MTHFD1L: variants seen among roughly 807,000 people sequenced by gnomAD.
MTHFD1L encodes monofunctional C1-tetrahydrofolate synthase, mitochondrial.
In MTHFD1L, 81 loss-of-function variants were observed where a neutral mutation model predicts 119.5. The observed-to-expected ratio is 0.68, with a 90% CI of 0.57 to 0.82. The LOEUF (loss-of-function observed/expected upper bound fraction) is 0.82, where lower values mean the gene tolerates loss of function less well. Among genes scored for constraint, MTHFD1L ranks in the 40% least tolerant of loss-of-function variants. MTHFD1L has a pLI of 0.00. For missense variants in MTHFD1L, 1,125 were observed against 1,253.4 expected, an observed-to-expected ratio of 0.90 and a Z score of 1.55; for synonymous variants, 430 against 475.2, an observed-to-expected ratio of 0.90 and a Z score of 1.24.
At chr6:150,972,305 A>G (rs989387615) in intron 20 of MTHFD1L, among the ~76,000 whole-genome samples, 1 of 152,172 alleles carries the variant, frequency 6.6e-6, no homozygotes, top group Non-Finnish European at 1.5e-5. Flanking sequence ...ACTCTTGCAA[A>G]CTGAGTGACA....
At chr6:150,998,751 C>T (rs1393210120) in intron 20 of MTHFD1L, among the ~76,000 whole-genome samples, 2 of 145,180 alleles carry the variant, frequency 1.4e-5, no homozygotes, top group African/African-American at 5.2e-5. Context: ...CCAGGGCAGG[C>T]AGATCACTTG....
At chr6:151,059,778 G>A (rs1190059428) in intron 26 of MTHFD1L, among the ~76,000 whole-genome samples, 2 of 152,200 alleles carry the variant, frequency 1.3e-5, no homozygotes, top group Non-Finnish European at 2.9e-5. Context: ...TGCACGGTGG[G>A]TCTGTGCTGC....
chr6:150,873,604 G>A (rs754296120), intron 1 of MTHFD1L, among the ~76,000 whole-genome samples: 1 of 152,082 alleles, frequency 6.6e-6, no homozygotes, highest in East Asian at 1.9e-4. Context: ...GAATTACCTG[G>A]ACTCTGTTAA....
chr6:151,096,435 C>T (rs3843914), intron 27 of MTHFD1L, among the ~76,000 whole-genome samples: 1 of 151,950 alleles, frequency 6.6e-6, no homozygotes, highest in African/African-American at 2.4e-5. Flanking sequence ...TAAGATAAAA[C>T]CACTATACAA....
chr6:151,034,517 A>G lies in MTHFD1L; in HGVS notation c.2611A>G (p.Thr871Ala). 1 of 1,611,456 alleles carries G rather than the reference A, an allele frequency of 6.2e-7. No individual in the cohort carries two copies. Among genetic ancestry groups the G allele is most frequent in the Non-Finnish European group, 8.5e-7 (1 of 1,179,396 alleles). The stretch of plus-strand genomic sequence containing the variant: ...GGTTCCAATTGTGGACAAGATAAGG[A>G]CCATTGCTCAGGCTGTCTATGGAGC... Reference protein sequence around the residue: ...VQVPIVDKIRTIAQAVYGAKD... With the variant: ...VQVPIVDKIRAIAQAVYGAKD... The change falls in exon 25 of 28, where the codon ACC becomes GCC. Residue 871 changes from threonine (T) to alanine (A), a missense_variant. By Grantham distance (58) the Thr-to-Ala change is moderately conservative. Transcript: ENST00000367321.
chr6:150,971,840 A>G lies in MTHFD1L; in HGVS notation c.2014-107A>G, dbSNP rs1299797537. ...CTTTGAAATATTTTATGCATTAAAT[A>G]TGCAGTATTCATAAAAGCTTTCCTA... is the stretch of plus-strand genomic sequence containing the variant. On this transcript the variant is annotated intron_variant, in intron 19 of 27. Transcript: ENST00000367321. 4.8e-6 allele frequency: 4 copies of G among 840,056 alleles called. No individual in the cohort carries two copies. In the African/African-American group the frequency reaches 6.8e-5, roughly 14 times the overall value. 52.0% of individuals were successfully genotyped at this position (840,056 alleles called of 1,614,324 possible). A position where few individuals can be genotyped will look rare whatever the true frequency, so the allele number is the denominator to read the frequency against.
chr6:150,882,345 T>C (rs1452461358), intron 4 of MTHFD1L, among the ~76,000 whole-genome samples: 2 of 152,242 alleles, frequency 1.3e-5, no homozygotes, highest in African/African-American at 4.8e-5. Context: ...CTGGGCCAGA[T>C]TGGAATGCTT....
chr6:151,089,761 C>A (rs1794209275), intron 26 of MTHFD1L, among the ~76,000 whole-genome samples: 2 of 152,216 alleles, frequency 1.3e-5, no homozygotes, highest in Admixed American at 1.3e-4. Flanking sequence ...AGTAGTAGAA[C>A]AGTATAAGTG....
intron 24 of MTHFD1L, among the ~76,000 whole-genome samples, chr6:151,033,543 C>T (rs1785659792): frequency 6.6e-6 from 1 of 152,058 alleles, no homozygotes. Flanking sequence ...TCTGAAGATC[C>T]CTTGCCGTAT....
chr6:150,928,905 G>T (rs1790523209), intron 11 of MTHFD1L, among the ~76,000 whole-genome samples: 1 of 152,152 alleles, frequency 6.6e-6, no homozygotes, highest in African/African-American at 2.4e-5. Flanking sequence ...TCAGCAGTTG[G>T]CATTGTAAGG....
At chr6:150,876,060 A>G (rs267600857) in intron 1 of MTHFD1L, 30 bp from the exon 2 acceptor site, 3 of 1,526,116 alleles carry the variant, frequency 2.0e-6, no homozygotes, top group Non-Finnish European at 2.7e-6. Flanking sequence ...TAACCAAGAA[A>G]TCACAATGTT....
At chr6:150,962,914 C>CTTTTTTTTTTTTTTTT (rs4035893) in intron 18 of MTHFD1L, among the ~76,000 whole-genome samples, 2 of 114,148 alleles carry the variant, frequency 1.8e-5, no homozygotes, top group African/African-American at 3.3e-5. Context: ...CTTTTCTTTT[C>CTTTTTTTTTTTTTTTT]TTTTTTTTTT....
At chr6:151,005,879 C>T (rs1781315186) in intron 20 of MTHFD1L, among the ~76,000 whole-genome samples, 1 of 152,102 alleles carries the variant, frequency 6.6e-6, no homozygotes, top group African/African-American at 2.4e-5. Flanking sequence ...TTATGCCTTT[C>T]AGTAAAACCA....
intron 26 of MTHFD1L, among the ~76,000 whole-genome samples, chr6:151,067,663 G>C (rs1171246675): frequency 6.6e-6 from 1 of 152,236 alleles, no homozygotes; most frequent in Admixed American, 6.5e-5. Flanking sequence ...ACGTTCATGA[G>C]TAATGGGTGC....
At chr6:151,009,318 A>AG (rs1205845190) in intron 20 of MTHFD1L, among the ~76,000 whole-genome samples, 1 of 152,008 alleles carries the variant, frequency 6.6e-6, no homozygotes, top group East Asian at 1.9e-4. Context: ...GTGGATCACA[A>AG]GGTCAGGAGT....
At chr6:150,970,851 T>TTC (rs1797907711) in intron 19 of MTHFD1L, among the ~76,000 whole-genome samples, 3 of 152,214 alleles carry the variant, frequency 2.0e-5, no homozygotes, top group Admixed American at 2.0e-4. Context: ...CAATATTTTT[T>TTC]TCTCACCAAC....
chr6:151,071,925 C>T (rs1791988666), intron 26 of MTHFD1L, among the ~76,000 whole-genome samples: 1 of 149,582 alleles, frequency 6.7e-6, no homozygotes, highest in Non-Finnish European at 1.5e-5. Flanking sequence ...TCACTGCAAC[C>T]TCTGCCTCCT....
intron 1 of MTHFD1L, among the ~76,000 whole-genome samples, chr6:150,875,490 G>GTC (rs747534942): frequency 6.6e-6 from 1 of 151,938 alleles, no homozygotes; most frequent in Admixed American, 6.6e-5. Flanking sequence ...GAAGCTCTCT[G>GTC]TCTCTCTCTC....
At chr6:150,871,833 CATTTTATTTTATTTTA>C (rs1209098443) in intron 1 of MTHFD1L, among the ~76,000 whole-genome samples, 4 of 149,402 alleles carry the variant, frequency 2.7e-5, no homozygotes, top group East Asian at 2.0e-4. Context: ...CCTTTGTTGT[CATTTTATTTTATTTTA>C]ATTTTATTTT....
Sources: allele counts gnomAD v4.1 joint callset (sites outside exome capture counted in the v4.1 genomes callset), GRCh38; gene constraint gnomAD v4.1.1; transcripts MANE v1.5; gene names NCBI Gene and HGNC (gene_info 2026-07-23, HGNC 2026-07-21).